Variants in FRMD3 observed in about 807,000 individuals in gnomAD.
The protein encoded by FRMD3 is FERM domain containing 3.
Under a neutral mutation model 70.2 loss-of-function variants are expected in FRMD3, and 33 were observed. That is an observed-to-expected ratio of 0.47 (90% confidence interval 0.36 to 0.63). The LOEUF (loss-of-function observed/expected upper bound fraction) is 0.63. Ranked by LOEUF, FRMD3 falls within the 20% of genes least tolerant of loss-of-function variation. FRMD3 has a pLI of 0.00. For synonymous variants in FRMD3, 279 were observed against 255.9 expected, an observed-to-expected ratio of 1.09 and a Z score of -0.86; for missense variants, 632 against 711.4, an observed-to-expected ratio of 0.89 and a Z score of 1.27.
intron 3 of FRMD3, 34 bp downstream of exon 3, chr9:83,372,879 T>C: frequency 5.7e-6 from 9 of 1,581,902 alleles, no homozygotes; most frequent in Non-Finnish European, 7.8e-6. Flanking sequence ...TTGGACACAT[T>C]GTAGCAAAAG....
chr9:83,302,888 T>C (rs985461951), intron 10 of FRMD3, among the ~76,000 whole-genome samples: 6 of 152,168 alleles, frequency 3.9e-5, no homozygotes, highest in African/African-American at 1.4e-4. Flanking sequence ...TCTGCCTTCC[T>C]TTCCACCCGC....
At chr9:83,535,699 T>C (rs1161591129) in intron 1 of FRMD3, among the ~76,000 whole-genome samples, 1 of 152,116 alleles carries the variant, frequency 6.6e-6, no homozygotes, top group East Asian at 1.9e-4. Context: ...CTTCTTCCAA[T>C]GTGGCCCAGG....
At chr9:83,554,976 C>T in the FRMD3 span, among the ~76,000 whole-genome samples, 3 of 152,332 alleles carry the variant, frequency 2.0e-5, no homozygotes, top group East Asian at 5.8e-4. Flanking sequence ...AGATAGCAGG[C>T]AGCCTGTCCC....
intron 1 of FRMD3, among the ~76,000 whole-genome samples, chr9:83,463,126 G>C (rs934457167): frequency 3.3e-5 from 5 of 152,082 alleles, no homozygotes; most frequent in African/African-American, 1.2e-4. Flanking sequence ...TACCAGAATG[G>C]GGGGACTCAG....
At chr9:83,400,260 A>C (rs1483010938) in intron 1 of FRMD3, among the ~76,000 whole-genome samples, 2 of 152,210 alleles carry the variant, frequency 1.3e-5, no homozygotes, top group Non-Finnish European at 2.9e-5. Flanking sequence ...GCAATGAACA[A>C]TTGAAAGTTG....
chr9:83,377,907 T>C (rs1825199531), intron 2 of FRMD3, among the ~76,000 whole-genome samples: 1 of 152,102 alleles, frequency 6.6e-6, no homozygotes, highest in Non-Finnish European at 1.5e-5. Flanking sequence ...AGGATGAAAG[T>C]AGATTTCATG....
At chr9:83,332,871 G>A (rs546527954) in intron 6 of FRMD3, among the ~76,000 whole-genome samples, 1 of 152,292 alleles carries the variant, frequency 6.6e-6, no homozygotes, top group African/African-American at 2.4e-5. Context: ...TGGAGAGCAG[G>A]ATGGCCATGG....
chr9:83,409,366 A>C (rs1426640845), intron 1 of FRMD3, among the ~76,000 whole-genome samples: 1 of 151,908 alleles, frequency 6.6e-6, no homozygotes, highest in African/African-American at 2.4e-5. Context: ...CTGGTCTTTT[A>C]TTTATTAAGC....
At chr9:83,361,678 T>C (rs1315570516) in intron 3 of FRMD3, among the ~76,000 whole-genome samples, 1 of 152,182 alleles carries the variant, frequency 6.6e-6, no homozygotes, top group Non-Finnish European at 1.5e-5. Context: ...AGGGTCTTTG[T>C]AGATGTAATT....
intron 1 of FRMD3, among the ~76,000 whole-genome samples, chr9:83,409,886 G>A (rs554978207): frequency 9.5e-4 from 145 of 152,124 alleles, no homozygotes; most frequent in Non-Finnish European, 1.6e-3. Context: ...AAGCTCTTCC[G>A]TTTTCCAACC....
At chr9:83,293,358 G>C (rs1563999172) in intron 12 of FRMD3, among the ~76,000 whole-genome samples, 1 of 152,084 alleles carries the variant, frequency 6.6e-6, no homozygotes. Context: ...GTAGCTTTCT[G>C]ACCTCTGAAA....
At chr9:83,389,903 C>T (rs1325090786) in intron 1 of FRMD3, among the ~76,000 whole-genome samples, 195 bp from the exon 2 acceptor site, 1 of 152,100 alleles carries the variant, frequency 6.6e-6, no homozygotes, top group African/African-American at 2.4e-5. Context: ...TGAGCCATTA[C>T]ACACACACAA....
intron 6 of FRMD3, among the ~76,000 whole-genome samples, chr9:83,332,785 A>G (rs568375663): frequency 5.3e-5 from 8 of 152,324 alleles, no homozygotes; most frequent in Non-Finnish European, 1.2e-4. Context: ...CCTCTCAGGA[A>G]GTCTTCAGAA....
chr9:83,527,158 C>G (rs1829702076), intron 1 of FRMD3, among the ~76,000 whole-genome samples: 1 of 152,106 alleles, frequency 6.6e-6, no homozygotes, highest in Non-Finnish European at 1.5e-5. Flanking sequence ...CACCAGGAGT[C>G]CAGGGTACAG....
the FRMD3 span, among the ~76,000 whole-genome samples, chr9:83,582,074 CT>C: frequency 6.6e-6 from 1 of 152,058 alleles, no homozygotes; most frequent in African/African-American, 2.4e-5. Context: ...AAAAAGTAAT[CT>C]CTTTTTTTTT....
At chr9:83,556,322 T>A in the FRMD3 span, among the ~76,000 whole-genome samples, 4 of 152,258 alleles carry the variant, frequency 2.6e-5, no homozygotes, top group Admixed American at 2.0e-4. Context: ...TTGGGTCATA[T>A]AACTCCATGC....
At chr9:83,298,355 T>C (rs1049427727) in intron 12 of FRMD3, among the ~76,000 whole-genome samples, 1 of 152,056 alleles carries the variant, frequency 6.6e-6, no homozygotes, top group Non-Finnish European at 1.5e-5. Context: ...AATGGCCCCA[T>C]GAAAGGTCAG....
chr9:83,570,346 T>C, the FRMD3 span, among the ~76,000 whole-genome samples: 1 of 152,204 alleles, frequency 6.6e-6, no homozygotes, highest in Non-Finnish European at 1.5e-5. Flanking sequence ...TAAAGATGAC[T>C]GTTGCAATTC....
At chr9:83,280,635 G>A (rs1833946004) in intron 13 of FRMD3, among the ~76,000 whole-genome samples, 1 of 152,150 alleles carries the variant, frequency 6.6e-6, no homozygotes, top group Admixed American at 6.5e-5. Flanking sequence ...AAGATCTAGA[G>A]CAGCTGTTTC....
Sources: gnomAD v4.1 joint callset for allele counts (sites outside exome capture counted in the v4.1 genomes callset) on GRCh38, gnomAD v4.1.1 for gene constraint, MANE v1.5 for transcripts, NCBI Gene and HGNC (gene_info 2026-07-23, HGNC 2026-07-21) for gene names.